CDKL1: variants seen among roughly 807,000 people sequenced by gnomAD.
The protein encoded by CDKL1 is cyclin dependent kinase like 1, also known as cyclin-dependent kinase-like 1.
In CDKL1, 41 loss-of-function variants were observed where a neutral mutation model predicts 42.0. The ratio of observed to expected loss-of-function variants is 0.98; its 90% confidence interval spans 0.76 to 1.27. CDKL1 has a LOEUF of 1.27. CDKL1 is among the 50% of genes most tolerant of loss of function. The pLI is 0.00. For synonymous variants in CDKL1, 153 were observed against 158.6 expected, an observed-to-expected ratio of 0.96 and a Z score of 0.26; for missense variants, 394 against 428.4, an observed-to-expected ratio of 0.92 and a Z score of 0.71.
In CDKL1 at chr14:50,334,631, A is replaced by G; in HGVS notation, c.739-10T>C. The G allele has an allele frequency of 6.5e-7, 1 of 1,541,764 alleles. No individual in the cohort carries two copies. Among genetic ancestry groups the G allele is most frequent in the Non-Finnish European group, 9.0e-7 (1 of 1,114,104 alleles). ...TTAATTCAAGTGGTTCCTGTTGAAA[A>G]GAAAAGAGGTTTTTAATTTACAGCA... On this transcript the variant is annotated splice_polypyrimidine_tract_variant and intron_variant, in intron 7 of 9. Transcript: ENST00000395834.
At chr14:50,332,910 T>G (rs2033043048) in intron 8 of CDKL1, 1 of 358,618 alleles carries the variant, frequency 2.8e-6, no homozygotes, top group African/African-American at 2.2e-5. Context: ...CTACTTTTTT[T>G]TTTTTTTTTT....
intron 2 of CDKL1, among the ~76,000 whole-genome samples, chr14:50,368,936 G>A (rs1020989657): frequency 4.1e-5 from 6 of 147,392 alleles, no homozygotes; most frequent in Non-Finnish European, 6.0e-5. Flanking sequence ...GCACAATCTC[G>A]GCTCACCACA....
At chr14:50,342,430 G>T in intron 4 of CDKL1, 2 of 1,329,032 alleles carry the variant, frequency 1.5e-6, no homozygotes, top group Non-Finnish European at 9.6e-7. Flanking sequence ...GCCCAAAAGA[G>T]CCAAGAAGAG....
At chr14:50,395,618 G>T (rs2035373657) in intron 2 of CDKL1, 83 bp downstream of exon 2, 3 of 928,024 alleles carry the variant, frequency 3.2e-6, no homozygotes, top group East Asian at 2.4e-5. Flanking sequence ...TGTGAGCTAT[G>T]ATCACATGGC....
chr14:50,354,376 G>A (rs551334680), intron 3 of CDKL1, among the ~76,000 whole-genome samples: 5 of 152,212 alleles, frequency 3.3e-5, no homozygotes, highest in Non-Finnish European at 7.3e-5. Flanking sequence ...TTGCAGTAAT[G>A]TACATTACCC....
At chr14:50,358,481 A>G (rs536284685) in intron 3 of CDKL1, among the ~76,000 whole-genome samples, 15 of 152,214 alleles carry the variant, frequency 9.9e-5, no homozygotes, top group African/African-American at 2.9e-4. Flanking sequence ...GAGATAAAGT[A>G]CCAAAGAAAT....
At chr14:50,392,603 C>T (rs1000422666) in intron 2 of CDKL1, among the ~76,000 whole-genome samples, 1 of 151,956 alleles carries the variant, frequency 6.6e-6, no homozygotes, top group African/African-American at 2.4e-5. Flanking sequence ...ACCAAGCTTC[C>T]ACCTTTAGTA....
intron 2 of CDKL1, chr14:50,378,111 C>A: frequency 7.6e-7 from 1 of 1,313,820 alleles, no homozygotes; most frequent in East Asian, 4.6e-5. Context: ...TCTCAAATTT[C>A]CCTGAACCTT....
chr14:50,375,755 C>G (rs2034711748), intron 2 of CDKL1, among the ~76,000 whole-genome samples: 1 of 152,016 alleles, frequency 6.6e-6, no homozygotes, highest in South Asian at 2.1e-4. Flanking sequence ...CGAGATGGTG[C>G]CACTGCGCTC....
intron 8 of CDKL1, 139 bp from the exon 9 acceptor site, chr14:50,332,571 T>G: frequency 7.4e-6 from 11 of 1,483,014 alleles, no homozygotes; most frequent in Non-Finnish European, 9.9e-6. Context: ...CCAGTCATGA[T>G]TTTAGTTCCT....
At chr14:50,388,941 T>C (rs2035166957) in intron 2 of CDKL1, among the ~76,000 whole-genome samples, 1 of 150,436 alleles carries the variant, frequency 6.6e-6, no homozygotes, top group African/African-American at 2.4e-5. Context: ...CTACTGAAAA[T>C]ACAAAAATTA....
intron 5 of CDKL1, among the ~76,000 whole-genome samples, chr14:50,341,466 G>C (rs980694190): frequency 1.6e-5 from 2 of 127,510 alleles, no homozygotes; most frequent in African/African-American, 3.3e-5. Flanking sequence ...TGGGGGGGGG[G>C]GGGGGGTTAT....
At chr14:50,362,880 G>C (rs1326700081) in intron 2 of CDKL1, 1 of 413,080 alleles carries the variant, frequency 2.4e-6, no homozygotes, top group African/African-American at 2.0e-5. Context: ...ACCCAGCAGT[G>C]GCAACCTACC....
In CDKL1 at chr14:50,395,972, G is replaced by C; in HGVS notation, c.-104C>G. 1 of 1,143,770 alleles carries C rather than the reference G, an allele frequency of 8.7e-7. No homozygotes were observed. The highest frequency in any genetic ancestry group is 1.3e-5 in the South Asian group (1 of 76,094). The allele number at this position is 1,143,770 out of a possible 1,614,324, so 70.9% of individuals were successfully genotyped here. On this transcript the variant is annotated 5_prime_UTR_variant, in exon 2 of 10. Transcript: ENST00000395834. ...GGCTGAGGCGGGCAGATCACCTGAG[G>C]TCAGGAGTTCGAGACCAGTCTGGCC...
intron 3 of CDKL1, among the ~76,000 whole-genome samples, chr14:50,351,470 A>G (rs1369427524): frequency 6.6e-6 from 1 of 152,152 alleles, no homozygotes; most frequent in Non-Finnish European, 1.5e-5. Context: ...TGAGTGGCTC[A>G]TGCCTGTAAT....
At position 50,396,185 on chromosome 14, in the gene CDKL1, CAAAAAAAAAAAAAA is replaced by C. The variant is rs55765101; in HGVS notation, c.-331_-318del. ...CGGGCGACAGAGCGAGATTCCGTCTCAAAAAAAAAAAAAAAAAAAAAAAAAAAAGAAAGAAAGAA... is the reference window on the plus strand; with the variant it reads ...CGGGCGACAGAGCGAGATTCCGTCTCAAAAAAAAAAAAAAGAAAGAAAGAA... On this transcript the variant is annotated 5_prime_UTR_variant, in exon 2 of 10. Coordinates refer to ENST00000395834, the MANE Select transcript of CDKL1 (RefSeq NM_004196.7). 6.7e-5 allele frequency: 58 copies of C among 862,590 alleles called. No individual in the cohort carries two copies. The highest frequency in any genetic ancestry group is 4.2e-4 in the Admixed American group (3 of 7,198). 53.4% of individuals were successfully genotyped at this position (862,590 alleles called of 1,614,324 possible).
rs71118873 is a variant in CDKL1 at position 50,358,636 on chromosome 14, C to CTTTTTTTTTTTTTTTTTTTTTT, written c.290+391_290+392insAAAAAAAAAAAAAAAAAAAAAA. Among the ~76,000 whole-genome samples, 2 of 67,644 alleles carry CTTTTTTTTTTTTTTTTTTTTTT rather than the reference C, an allele frequency of 3.0e-5. 1 individual carries two copies. The highest frequency in any genetic ancestry group is 1.2e-4 in the African/African-American group (2 of 17,374). 44.4% of individuals were successfully genotyped at this position (67,644 alleles called of 152,430 possible). On this transcript the variant is annotated intron_variant, in intron 3 of 9. Coordinates refer to ENST00000395834, the MANE Select transcript of CDKL1 (RefSeq NM_004196.7). ...CAAACACTGGCTGTTTTTAACTAGT[C>CTTTTTTTTTTTTTTTTTTTTTT]TTTTTTTTTTTTTTTTTTTTTGAGA...
In CDKL1 at chr14:50,396,252, T is replaced by C; in HGVS notation, c.-384A>G. On this transcript the variant is annotated 5_prime_UTR_variant, in exon 2 of 10. Transcript: ENST00000395834. ...GAAAAGAAAGGATCTTCACATAGTT[T>C]GAAAACGTCGCTTATAAAATATTGG... is the stretch of plus-strand genomic sequence containing the variant. 25 of 1,026,766 alleles carry C rather than the reference T, an allele frequency of 2.4e-5. No homozygotes were observed. The highest frequency in any genetic ancestry group is 2.8e-5 in the Non-Finnish European group (24 of 857,070). 63.6% of individuals were successfully genotyped at this position (1,026,766 alleles called of 1,614,324 possible).
chr14:50,340,189 A>G (rs748981107), intron 6 of CDKL1, among the ~76,000 whole-genome samples: 20 of 152,336 alleles, frequency 1.3e-4, no homozygotes, highest in South Asian at 8.3e-4. Context: ...AGCGCCTTCC[A>G]TGTCACCCAA....
Sources: allele counts gnomAD v4.1 joint callset (sites outside exome capture counted in the v4.1 genomes callset), GRCh38; gene constraint gnomAD v4.1.1; transcripts MANE v1.5; gene names NCBI Gene and HGNC (gene_info 2026-07-23, HGNC 2026-07-21).